CLIP4: variants seen among roughly 807,000 people sequenced by gnomAD.
CLIP4 encodes CAP-Gly domain-containing linker protein 4.
A neutral mutation model predicts 73.1 loss-of-function variants in CLIP4; 47 were observed. The observed-to-expected ratio is 0.64, with a 90% CI of 0.51 to 0.82. The LOEUF is 0.82. CLIP4 is among the 40% of genes least tolerant of loss of function. The pLI, the probability that CLIP4 is intolerant of heterozygous loss-of-function variation, is 0.00. For synonymous variants in CLIP4, 306 were observed against 295.4 expected, an observed-to-expected ratio of 1.04 and a Z score of -0.37; for missense variants, 874 against 852.9, an observed-to-expected ratio of 1.02 and a Z score of -0.31.
At chr2:29,163,424 T>A (rs1045587106) in intron 12 of CLIP4, among the ~76,000 whole-genome samples, 1 of 152,168 alleles carries the variant, frequency 6.6e-6, no homozygotes, top group Non-Finnish European at 1.5e-5. Context: ...ATGAAAAGAT[T>A]GCATGTTCAT....
At chr2:29,099,729 A>G (rs1039218498) in intron 1 of CLIP4, among the ~76,000 whole-genome samples, 1 of 152,240 alleles carries the variant, frequency 6.6e-6, no homozygotes, top group Non-Finnish European at 1.5e-5. Context: ...CATGTACAAA[A>G]TAATTTGCTG....
At chr2:29,175,558 A>G (rs1573042792) in intron 15 of CLIP4, 1 of 152,380 alleles carries the variant, frequency 6.6e-6, no homozygotes, top group East Asian at 1.9e-4. Flanking sequence ...CAGAGAAGCA[A>G]GGGAAGGAGA....
chr2:29,160,517 G>C lies in CLIP4; in HGVS notation c.1534+50G>C, dbSNP rs377684628. On this transcript the variant is annotated intron_variant, in intron 12 of 15. Transcript: ENST00000320081. The stretch of plus-strand genomic sequence containing the variant: ...ACTTGAATTCTTTAGAGTACAAAAG[G>C]TTTAAAATTTTACATGTAAATAGAA... 3.2e-6 allele frequency: 5 copies of C among 1,584,782 alleles called. No homozygotes were observed. In the African/African-American group the frequency reaches 6.8e-5, roughly 21 times the overall value.
In CLIP4 at chr2:29,143,701, A is replaced by G. The variant is rs1488225385; in HGVS notation, c.649-8A>G. 6.3e-6 allele frequency: 10 copies of G among 1,579,634 alleles called. No homozygotes were observed. Among genetic ancestry groups the G allele is most frequent in the Non-Finnish European group, 8.7e-6 (10 of 1,149,402 alleles). On this transcript the variant is annotated splice_polypyrimidine_tract_variant and splice_region_variant and intron_variant, in intron 6 of 15. Transcript: ENST00000320081. ...AGTTGAACATTTTTCTCTTATCTTT[A>G]TTTGTAGAATGACAAAGGACAGATC...
At chr2:29,102,782 C>T (rs532745269) in intron 1 of CLIP4, among the ~76,000 whole-genome samples, 8 of 152,194 alleles carry the variant, frequency 5.3e-5, no homozygotes, top group East Asian at 1.9e-4. Context: ...CCCACCACCA[C>T]GCCCAGCTAA....
intron 4 of CLIP4, 24 bp from the exon 5 acceptor site, chr2:29,133,631 A>G (rs1027269947): frequency 1.3e-6 from 2 of 1,584,732 alleles, no homozygotes; most frequent in Non-Finnish European, 1.7e-6. Flanking sequence ...ACTAAAGGAA[A>G]GTAATTTAGA....
chr2:29,119,087 A>G (rs983946657), intron 1 of CLIP4, among the ~76,000 whole-genome samples: 1 of 152,248 alleles, frequency 6.6e-6, no homozygotes, highest in Non-Finnish European at 1.5e-5. Flanking sequence ...CACGAAAATA[A>G]GGAAATGTAA....
chr2:29,116,204 AAGG>A (rs895308601), intron 1 of CLIP4, among the ~76,000 whole-genome samples: 1 of 152,158 alleles, frequency 6.6e-6, no homozygotes, highest in African/African-American at 2.4e-5. Context: ...GGGAAGTTGA[AAGG>A]AGCGCTGGAG....
intron 4 of CLIP4, among the ~76,000 whole-genome samples, chr2:29,133,013 C>T (rs1274155661): frequency 3.3e-5 from 5 of 152,070 alleles, no homozygotes; most frequent in Admixed American, 2.0e-4. Context: ...CACAGTGAGA[C>T]CTTGTCTCTA....
intron 1 of CLIP4, among the ~76,000 whole-genome samples, chr2:29,118,692 G>A (rs1265072968): frequency 4.0e-5 from 6 of 151,862 alleles, no homozygotes; most frequent in Non-Finnish European, 7.4e-5. Context: ...CGAATTTTTT[G>A]TATTTTTAGT....
chr2:29,170,572 T>C (rs1667937092), intron 14 of CLIP4, among the ~76,000 whole-genome samples: 1 of 152,246 alleles, frequency 6.6e-6, no homozygotes, highest in Admixed American at 6.5e-5. Context: ...CTCTTAACAG[T>C]GTATTTCACA....
Position 29,159,972 on chromosome 2 carries a change from ATTT to A in CLIP4, c.1400-360_1400-358del, listed in dbSNP as rs368542168. 6.2e-4 allele frequency among the ~76,000 whole-genome samples: 94 copies of A among 152,316 alleles called. No homozygotes were observed. In the East Asian group the frequency reaches 0.012, roughly 19 times the overall value. On this transcript the variant is annotated intron_variant, in intron 11 of 15. Coordinates refer to ENST00000320081, the MANE Select transcript of CLIP4 (RefSeq NM_024692.6). ...TGGTATGGCTAGCAAATCCTAACAT[ATTT>A]ACTGTCCAGCAATTTGCAGAAACAG...
chr2:29,161,987 T>G (rs1431391004), intron 12 of CLIP4, among the ~76,000 whole-genome samples: 1 of 152,216 alleles, frequency 6.6e-6, no homozygotes, highest in Admixed American at 6.5e-5. Flanking sequence ...GTTAGGTGTT[T>G]TATAATTCAT....
chr2:29,103,084 C>T (rs1162523505), intron 1 of CLIP4, among the ~76,000 whole-genome samples: 2 of 152,148 alleles, frequency 1.3e-5, no homozygotes, highest in South Asian at 4.1e-4. Context: ...GCTCATTTTA[C>T]CCCTGGGCCT....
chr2:29,132,205 T>C lies in CLIP4; in HGVS notation c.327T>C (p.Thr109=). 1 of 1,613,824 alleles carries C rather than the reference T, an allele frequency of 6.2e-7. No homozygotes were observed. Among genetic ancestry groups the C allele is most frequent in the South Asian group, 1.1e-5 (1 of 91,072 alleles). The stretch of plus-strand genomic sequence containing the variant: ...ATAGAGATGGATTGACAGATATGAC[T>C]CTTTTACATTATACCTGCAAATCTG... ...VNDRDGLTDM[T]LLHYTCKSGA... The change falls in exon 4 of 16, where the codon ACT becomes ACC. Residue 109 remains threonine, a synonymous_variant. Transcript: ENST00000320081.
At chr2:29,160,510 A>G (rs1183173300) in intron 12 of CLIP4, 43 bp downstream of exon 12, 2 of 1,591,648 alleles carry the variant, frequency 1.3e-6, no homozygotes, top group African/African-American at 2.7e-5. Flanking sequence ...TCTTTAGAGT[A>G]CAAAAGGTTT....
intron 1 of CLIP4, among the ~76,000 whole-genome samples, chr2:29,106,768 T>C (rs1387521029): frequency 6.6e-6 from 1 of 152,198 alleles, no homozygotes; most frequent in Non-Finnish European, 1.5e-5. Context: ...ATGCAAACTG[T>C]TGTCCTTGTA....
At chr2:29,121,581 CT>C in intron 2 of CLIP4, 60 bp downstream of exon 2, 3 of 1,556,166 alleles carry the variant, frequency 1.9e-6, no homozygotes, top group Admixed American at 1.9e-5. Flanking sequence ...TCTGTTACGC[CT>C]TTTTTGCACT....
At chr2:29,137,226 T>TGTTCCC (rs1665430763) in intron 6 of CLIP4, among the ~76,000 whole-genome samples, 1 of 152,068 alleles carries the variant, frequency 6.6e-6, no homozygotes, top group Admixed American at 6.6e-5. Flanking sequence ...TTCCCATCTT[T>TGTTCCC]ATGTCTGTGT....
Sources: gnomAD v4.1 joint callset for allele counts (sites outside exome capture counted in the v4.1 genomes callset) on GRCh38, gnomAD v4.1.1 for gene constraint, MANE v1.5 for transcripts, NCBI Gene and HGNC (gene_info 2026-07-23, HGNC 2026-07-21) for gene names.